MTAP: variants seen among roughly 807,000 people sequenced by gnomAD.
MTAP encodes S-methyl-5'-thioadenosine phosphorylase.
Under a neutral mutation model 33.6 loss-of-function variants are expected in MTAP, and 33 were observed. That is an observed-to-expected ratio of 0.98 (90% CI 0.74 to 1.31). The LOEUF (loss-of-function observed/expected upper bound fraction) is 1.31, where lower values mean the gene tolerates loss of function less well. MTAP is among the 40% of genes most tolerant of loss of function. MTAP has a pLI of 0.00. For missense variants in MTAP, 367 were observed against 360.0 expected (o/e 1.02, Z -0.16); for synonymous variants, 148 against 125.7 (o/e 1.18, Z -1.19).
chr9:21,823,596 T>C (rs1824704602), intron 4 of MTAP, among the ~76,000 whole-genome samples: 1 of 152,170 alleles, frequency 6.6e-6, no homozygotes, highest in Non-Finnish European at 1.5e-5. Context: ...TGTCTTGGAG[T>C]TGCTCTTCTC....
In MTAP at chr9:21,863,852, C is replaced by T. The variant is rs1825803802; in HGVS notation, c.*1838C>T. ...TAATTGTAAACAAAACAGTTACCCTCCAGTATTAATATGACTCATTAGTGT... is the reference window on the plus strand; with the variant it reads ...TAATTGTAAACAAAACAGTTACCCTTCAGTATTAATATGACTCATTAGTGT... On this transcript the variant is annotated 3_prime_UTR_variant, in exon 8 of 8. Transcript: ENST00000644715. 1.0e-6 allele frequency: 1 copy of T among 985,692 alleles called. No individual in the cohort carries two copies. 61.1% of individuals were successfully genotyped at this position (985,692 alleles called of 1,614,324 possible).
At chr9:21,911,326 A>T (rs1563867767) in intron 1 of MTAP, among the ~76,000 whole-genome samples, 1 of 152,186 alleles carries the variant, frequency 6.6e-6, no homozygotes, top group Non-Finnish European at 1.5e-5. Flanking sequence ...CAGAATATAC[A>T]TTCTTCTCAG....
At chr9:21,818,277 CGGCAGGGCAACT>C (rs1217662327) in intron 4 of MTAP, 75 bp downstream of exon 4, 2 of 1,281,102 alleles carry the variant, frequency 1.6e-6, no homozygotes, top group East Asian at 2.9e-5. Flanking sequence ...GCGTGGGAAC[CGGCAGGGCAACT>C]GGGAGGGCAG....
chr9:21,851,551 C>T (rs1825512430), intron 5 of MTAP, among the ~76,000 whole-genome samples: 1 of 151,980 alleles, frequency 6.6e-6, no homozygotes, highest in Non-Finnish European at 1.5e-5. Flanking sequence ...GTAATTATGA[C>T]CTTATTATTG....
intron 1 of MTAP, among the ~76,000 whole-genome samples, chr9:21,913,086 C>T (rs1034413081): frequency 1.3e-5 from 2 of 152,078 alleles, no homozygotes; most frequent in African/African-American, 4.8e-5. Flanking sequence ...TGTGAAGGAC[C>T]TCTTCAAGGA....
chr9:21,907,254 T>C (rs987153916), intron 1 of MTAP, among the ~76,000 whole-genome samples: 9 of 152,172 alleles, frequency 5.9e-5, no homozygotes, highest in Non-Finnish European at 1.2e-4. Flanking sequence ...GATTAAATAG[T>C]TTGTATATAA....
At chr9:21,827,902 G>A (rs1563836835) in intron 4 of MTAP, among the ~76,000 whole-genome samples, 2 of 152,196 alleles carry the variant, frequency 1.3e-5, no homozygotes, top group African/African-American at 2.4e-5. Context: ...TCCATATTCA[G>A]GATGATCCAG....
downstream of MTAP, among the ~76,000 whole-genome samples, chr9:21,869,725 C>T (rs988657671): frequency 6.6e-6 from 1 of 152,196 alleles, no homozygotes; most frequent in African/African-American, 2.4e-5. Flanking sequence ...TGTCAAGATA[C>T]TGACTATTCC....
At position 21,833,076 on chromosome 9, in the gene MTAP, A is replaced by G. The variant is rs184707798; in HGVS notation, c.348-4832A>G. Among the ~76,000 whole-genome samples, 275 of 152,348 alleles carry G rather than the reference A, an allele frequency of 1.8e-3. 3 individuals carry two copies. The highest frequency in any genetic ancestry group is 5.6e-4 in the Non-Finnish European group (38 of 68,032). ...TTGAGCAGCCTTCCTTGACTGGGAT[A>G]TAAACATCCATTGGTTTTCCTCCTT... On this transcript the variant is annotated intron_variant, in intron 4 of 7. Coordinates refer to ENST00000644715, the MANE Select transcript of MTAP (RefSeq NM_002451.4).
rs1345089428 is a variant in MTAP, at chr9:21,865,020, G to T, written c.*3006G>T. The stretch of plus-strand genomic sequence containing the variant: ...TAAGGTTTCAAGGAGTATCTGATGG[G>T]TTAGGAAGTCACGAAATGAGGAGTT... On this transcript the variant is annotated 3_prime_UTR_variant, in exon 8 of 8. Coordinates refer to ENST00000644715, the MANE Select transcript of MTAP (RefSeq NM_002451.4). 86 of 985,354 alleles carry T rather than the reference G, an allele frequency of 8.7e-5. No homozygotes were observed. Among genetic ancestry groups the T allele is most frequent in the Non-Finnish European group, 1.0e-4 (83 of 829,954 alleles). 61.0% of individuals were successfully genotyped at this position (985,354 alleles called of 1,614,324 possible).
At position 21,863,339 on chromosome 9, in the gene MTAP, T is replaced by A; in HGVS notation, c.*1325T>A. 4 of 977,748 alleles carry A rather than the reference T, an allele frequency of 4.1e-6. No individual in the cohort carries two copies. The highest frequency in any genetic ancestry group is 3.6e-6 in the Non-Finnish European group (3 of 822,924). The allele number at this position is 977,748 out of a possible 1,614,324, so 60.6% of individuals were successfully genotyped here. ...ATGCTTTTTGTTGGCCGGGCACAGTTGCTCATCCATGTAATCCCAGCACTG... is the reference window on the plus strand; with the variant it reads ...ATGCTTTTTGTTGGCCGGGCACAGTAGCTCATCCATGTAATCCCAGCACTG... On this transcript the variant is annotated 3_prime_UTR_variant, in exon 8 of 8. Transcript: ENST00000644715.
At chr9:21,850,402 C>G (rs1300410510) in intron 5 of MTAP, among the ~76,000 whole-genome samples, 1 of 152,150 alleles carries the variant, frequency 6.6e-6, no homozygotes, top group Non-Finnish European at 1.5e-5. Flanking sequence ...TACTCTGGCC[C>G]ATCTATTGAG....
chr9:21,898,710 G>A (rs1048561386), intron 1 of MTAP, among the ~76,000 whole-genome samples: 12 of 152,150 alleles, frequency 7.9e-5, no homozygotes, highest in African/African-American at 1.4e-4. Flanking sequence ...TTAGAATGGC[G>A]ATCATTAAAA....
intron 1 of MTAP, chr9:21,930,345 C>G (rs1818937413): frequency 4.9e-6 from 1 of 205,960 alleles, no homozygotes; most frequent in South Asian, 9.6e-5. Context: ...ACCCAAGGAG[C>G]CTTCTGTGTT....
At chr9:21,914,132 T>C (rs1033823360) in intron 1 of MTAP, among the ~76,000 whole-genome samples, 12 of 152,038 alleles carry the variant, frequency 7.9e-5, no homozygotes, top group East Asian at 1.9e-4. Flanking sequence ...CAGGAAACAA[T>C]AGGTGCTGGA....
At position 21,896,988 on chromosome 9, in the gene MTAP, A is replaced by T. The variant is rs557188445; in HGVS notation, c.148-34020A>T. 2.6e-5 allele frequency among the ~76,000 whole-genome samples: 4 copies of T among 152,362 alleles called. No homozygotes were observed. In the East Asian group the frequency reaches 7.7e-4, roughly 29 times the overall value. On this transcript the variant is annotated intron_variant, in intron 1 of 1. Coordinates refer to the MTAP transcript ENST00000577563. ...TCGATGCCAAAATCCTCAATAAAAT[A>T]CTGCCAAACCGAATCCAGCAGCACA...
intron 7 of MTAP, 49 bp downstream of exon 7, chr9:21,859,474 T>C (rs1228999422): frequency 5.2e-6 from 8 of 1,537,800 alleles, no homozygotes; most frequent in East Asian, 4.7e-5. Flanking sequence ...CTCTCTATTG[T>C]CTTCTTTTCT....
At chr9:21,913,516 C>T (rs1299351007) in intron 1 of MTAP, among the ~76,000 whole-genome samples, 1 of 124,472 alleles carries the variant, frequency 8.0e-6, no homozygotes, top group African/African-American at 3.9e-5. Flanking sequence ...CTGACAAAAA[C>T]AAGAAATGGG....
At chr9:21,913,328 C>T (rs1015040287) in intron 1 of MTAP, among the ~76,000 whole-genome samples, 2 of 152,210 alleles carry the variant, frequency 1.3e-5, no homozygotes, top group Non-Finnish European at 2.9e-5. Flanking sequence ...CAAGTCAATC[C>T]TAAGCCAAAA....
Sources: gnomAD v4.1 joint callset for allele counts (sites outside exome capture counted in the v4.1 genomes callset) on GRCh38, gnomAD v4.1.1 for gene constraint, MANE v1.5 for transcripts, NCBI Gene and HGNC (gene_info 2026-07-23, HGNC 2026-07-21) for gene names.